ARHGAP26: variants seen among roughly 807,000 people sequenced by gnomAD.
ARHGAP26 encodes the protein Rho GTPase activating protein 26, also known as rho GTPase-activating protein 26.
In ARHGAP26, 38 loss-of-function variants were observed where a neutral mutation model predicts 104.8. The ratio of observed to expected loss-of-function variants is 0.36; its 90% CI spans 0.28 to 0.48. The LOEUF is 0.48. ARHGAP26 is among the 20% of genes least tolerant of loss of function. The pLI is 0.99. For missense variants in ARHGAP26, 704 were observed against 947.9 expected, an observed-to-expected ratio of 0.74 and a Z score of 3.38; for synonymous variants, 341 against 340.0, an observed-to-expected ratio of 1.00 and a Z score of -0.03.
chr5:142,974,711 C>A (rs971707909), intron 11 of ARHGAP26, among the ~76,000 whole-genome samples: 6 of 152,218 alleles, frequency 3.9e-5, no homozygotes, highest in African/African-American at 1.4e-4. Context: ...CTTGTCTTCA[C>A]ATCAGTAATA....
intron 1 of ARHGAP26, among the ~76,000 whole-genome samples, chr5:142,785,171 C>T (rs758721371): frequency 3.3e-5 from 5 of 151,686 alleles, no homozygotes; most frequent in South Asian, 4.2e-4. Context: ...ATCTCGTGAT[C>T]CGCCCACCTC....
At chr5:143,119,645 C>T (rs3776302) in intron 17 of ARHGAP26, among the ~76,000 whole-genome samples, 27,737 of 151,968 alleles carry the variant, frequency 0.18, 5,297 homozygotes, top group African/African-American at 0.48. Flanking sequence ...AGAAACAGGC[C>T]ACTCTCCCTG....
intron 1 of ARHGAP26, among the ~76,000 whole-genome samples, chr5:142,790,545 T>G (rs1008585364): frequency 6.6e-6 from 1 of 152,196 alleles, no homozygotes; most frequent in Admixed American, 6.5e-5. Flanking sequence ...ATCCAGAATT[T>G]CCCAGTGGCT....
chr5:143,090,543 T>A (rs1791260851), intron 17 of ARHGAP26, among the ~76,000 whole-genome samples: 1 of 152,018 alleles, frequency 6.6e-6, no homozygotes, highest in South Asian at 2.1e-4. Flanking sequence ...TGGCGGGGGA[T>A]CAAAGAAACG....
chr5:142,943,314 A>G (rs532381466), intron 11 of ARHGAP26, among the ~76,000 whole-genome samples: 6 of 152,322 alleles, frequency 3.9e-5, no homozygotes, highest in South Asian at 2.1e-4. Flanking sequence ...ACAAAATACT[A>G]TAAACTGGGT....
chr5:143,130,236 A>G (rs1390241138), intron 18 of ARHGAP26, among the ~76,000 whole-genome samples: 1 of 152,244 alleles, frequency 6.6e-6, no homozygotes, highest in African/African-American at 2.4e-5. Flanking sequence ...TTCCACTTAC[A>G]GGAAGCTTGA....
At chr5:143,062,168 A>T (rs919743213) in intron 17 of ARHGAP26, among the ~76,000 whole-genome samples, 1 of 152,258 alleles carries the variant, frequency 6.6e-6, no homozygotes, top group Non-Finnish European at 1.5e-5. Flanking sequence ...AGGACAAAAA[A>T]GACCAATTTT....
chr5:142,930,455 A>G (rs142298275), intron 10 of ARHGAP26, among the ~76,000 whole-genome samples: 2 of 152,260 alleles, frequency 1.3e-5, no homozygotes, highest in Non-Finnish European at 2.9e-5. Context: ...GAGTTATTCC[A>G]TCTTCTGAGT....
At chr5:143,054,660 C>A in intron 15 of ARHGAP26, 134 bp downstream of exon 15, 1 of 604,530 alleles carries the variant, frequency 1.7e-6, no homozygotes, top group Non-Finnish European at 2.9e-6. Context: ...TGTGTGGGTG[C>A]GTTTAGCTCA....
intron 17 of ARHGAP26, among the ~76,000 whole-genome samples, chr5:143,058,395 C>A (rs1426077254): frequency 6.6e-6 from 1 of 152,172 alleles, no homozygotes; most frequent in Non-Finnish European, 1.5e-5. Flanking sequence ...TCAGTAGGGA[C>A]CTGATTTTCT....
intron 19 of ARHGAP26, among the ~76,000 whole-genome samples, chr5:143,143,698 G>A (rs919731446): frequency 6.6e-6 from 1 of 152,234 alleles, no homozygotes. Context: ...CATTCACGGA[G>A]CCTTAGTGTC....
chr5:143,068,869 G>A (rs1363271561), intron 17 of ARHGAP26, among the ~76,000 whole-genome samples: 2 of 152,166 alleles, frequency 1.3e-5, no homozygotes, highest in African/African-American at 4.8e-5. Context: ...CAGTATTGCT[G>A]ATGACCTCAT....
At chr5:143,042,873 G>T (rs1477666051) in intron 14 of ARHGAP26, among the ~76,000 whole-genome samples, 1 of 152,190 alleles carries the variant, frequency 6.6e-6, no homozygotes, top group Non-Finnish European at 1.5e-5. Context: ...TAGTTAGAGT[G>T]AGATCTGTTG....
chr5:142,791,256 T>C (rs1000288447), intron 1 of ARHGAP26, among the ~76,000 whole-genome samples: 3 of 152,122 alleles, frequency 2.0e-5, no homozygotes, highest in Admixed American at 6.5e-5. Flanking sequence ...CTGGCTTCCT[T>C]TGGGGTAGCC....
intron 6 of ARHGAP26, among the ~76,000 whole-genome samples, chr5:142,894,821 A>T (rs1759237032): frequency 6.6e-6 from 1 of 152,240 alleles, no homozygotes; most frequent in Non-Finnish European, 1.5e-5. Flanking sequence ...GTATTAAAAG[A>T]TGCTATATAA....
chr5:142,809,333 C>T (rs1763625543), intron 1 of ARHGAP26, among the ~76,000 whole-genome samples: 2 of 152,150 alleles, frequency 1.3e-5, no homozygotes, highest in African/African-American at 4.8e-5. Flanking sequence ...AATAAAAGTT[C>T]CCCAAGAGAG....
rs904996036 is a variant in ARHGAP26 at position 142,782,884 on chromosome 5, G to A, written c.154+11969G>A. 2.0e-5 allele frequency among the ~76,000 whole-genome samples: 3 copies of A among 152,144 alleles called. No individual in the cohort carries two copies. The South Asian group carries it at 6.2e-4, about 31-fold the overall frequency. On this transcript the variant is annotated intron_variant, in intron 1 of 22. Transcript: ENST00000645722. ...TTTAGAGTGTCCTTGTAAGATAGTGGTTCTTAAAAGTGAAGGTGTACAAGA... is the reference window on the plus strand; with the variant it reads ...TTTAGAGTGTCCTTGTAAGATAGTGATTCTTAAAAGTGAAGGTGTACAAGA...
At chr5:143,048,919 GA>G (rs79094425) in intron 14 of ARHGAP26, among the ~76,000 whole-genome samples, 6,330 of 106,164 alleles carry the variant, frequency 0.06, 332 homozygotes, top group African/African-American at 0.19. Flanking sequence ...TCTCAAAAAA[GA>G]AAAAAAAAAA....
intron 20 of ARHGAP26, among the ~76,000 whole-genome samples, chr5:143,183,148 T>A (rs1804643621): frequency 6.6e-6 from 1 of 151,790 alleles, no homozygotes; most frequent in Non-Finnish European, 1.5e-5. Context: ...TTTCGGCTGT[T>A]CTTGGTGGCA....
Sources: allele counts gnomAD v4.1 joint callset (sites outside exome capture counted in the v4.1 genomes callset), GRCh38; gene constraint gnomAD v4.1.1; transcripts MANE v1.5; gene names NCBI Gene and HGNC (gene_info 2026-07-23, HGNC 2026-07-21).